The following CADM2 variants were observed in gnomAD, a reference collection of about 807,000 sequenced individuals.
CADM2 encodes the protein cell adhesion molecule 2, also known as immunoglobulin superfamily member 4D.
In CADM2, 12 loss-of-function variants were observed where a neutral mutation model predicts 49.8. The observed-to-expected ratio is 0.24, with a 90% CI of 0.15 to 0.39. The LOEUF (loss-of-function observed/expected upper bound fraction) is 0.39, where lower values mean the gene tolerates loss of function less well. CADM2 is among the 10% of genes least tolerant of loss of function. CADM2 has a pLI of 1.00. For synonymous variants in CADM2, 214 were observed against 175.4 expected, an observed-to-expected ratio of 1.22 and a Z score of -1.74; for missense variants, 378 against 492.3, an observed-to-expected ratio of 0.77 and a Z score of 2.20.
chr3:85,688,009 A>G (rs573464624), intron 1 of CADM2, among the ~76,000 whole-genome samples: 4 of 152,330 alleles, frequency 2.6e-5, no homozygotes, highest in Non-Finnish European at 5.9e-5. Flanking sequence ...TGAGAATCCA[A>G]TGCCTGATGA....
At chr3:85,259,759 T>G (rs1240288206) in intron 1 of CADM2, among the ~76,000 whole-genome samples, 1 of 152,098 alleles carries the variant, frequency 6.6e-6, no homozygotes, top group Non-Finnish European at 1.5e-5. Context: ...AGTGTTTCTT[T>G]GGCTTGAATG....
chr3:85,947,911 A>G (rs541420207), intron 7 of CADM2, among the ~76,000 whole-genome samples: 1 of 151,528 alleles, frequency 6.6e-6, no homozygotes, highest in Admixed American at 6.6e-5. Flanking sequence ...TTTCCAGGTA[A>G]GCAGTTTTCT....
At chr3:85,847,561 ATTAC>A (rs1162356942) in intron 3 of CADM2, among the ~76,000 whole-genome samples, 1 of 152,178 alleles carries the variant, frequency 6.6e-6, no homozygotes, top group African/African-American at 2.4e-5. Context: ...TGGAGAAATA[ATTAC>A]TTAAAATGCA....
rs570860459 is a variant in CADM2, at chr3:85,247,494, T to C, written c.61+287826T>C. 4.6e-5 allele frequency among the ~76,000 whole-genome samples: 7 copies of C among 152,258 alleles called. No homozygotes were observed. In the East Asian group the frequency reaches 1.2e-3, roughly 25 times the overall value. ...TCTTACATTCAACAAATATTTGGAA[T>C]TATAAGATATTGCAAAAGGATTTGT... On this transcript the variant is annotated intron_variant, in intron 1 of 9. Coordinates refer to ENST00000383699, the MANE Select transcript of CADM2 (RefSeq NM_001167675.2).
At chr3:86,036,463 A>G (rs757274469) in intron 8 of CADM2, among the ~76,000 whole-genome samples, 1 of 151,940 alleles carries the variant, frequency 6.6e-6, no homozygotes, top group Non-Finnish European at 1.5e-5. Context: ...TTCTCTCTTC[A>G]GTCTGCCCCT....
At chr3:85,524,664 T>C (rs879891826) in intron 1 of CADM2, among the ~76,000 whole-genome samples, 3 of 152,174 alleles carry the variant, frequency 2.0e-5, no homozygotes, top group Non-Finnish European at 2.9e-5. Context: ...GTTGCTCAAG[T>C]CTACTATATC....
chr3:85,292,777 T>C (rs546952614), intron 1 of CADM2, among the ~76,000 whole-genome samples: 221 of 152,288 alleles, frequency 1.5e-3, no homozygotes, highest in African/African-American at 4.9e-3. Context: ...ATCTCTGGGA[T>C]GCATTAAAAG....
intron 1 of CADM2, among the ~76,000 whole-genome samples, chr3:85,378,103 A>ACTT (rs1339096732): frequency 6.6e-6 from 1 of 152,074 alleles, no homozygotes; most frequent in African/African-American, 2.4e-5. Context: ...AATGTAAAAT[A>ACTT]CTTTAAAATT....
At chr3:85,681,871 CTTA>C (rs1242949783) in intron 1 of CADM2, among the ~76,000 whole-genome samples, 6 of 152,088 alleles carry the variant, frequency 3.9e-5, no homozygotes, top group African/African-American at 1.2e-4. Context: ...AACGTATCAA[CTTA>C]TTATGCAAAT....
chr3:85,128,910 T>C (rs772481050), intron 1 of CADM2, among the ~76,000 whole-genome samples: 3 of 152,174 alleles, frequency 2.0e-5, no homozygotes, highest in African/African-American at 7.2e-5. Flanking sequence ...CCAAAAACAA[T>C]TGTGTATTTG....
intron 1 of CADM2, among the ~76,000 whole-genome samples, chr3:85,554,092 C>A (rs577933656): frequency 7.0e-6 from 1 of 143,722 alleles, no homozygotes; most frequent in Non-Finnish European, 1.5e-5. Flanking sequence ...TTGGGGAAAA[C>A]AATTTTTCCA....
At chr3:86,036,750 C>T (rs1267074404) in intron 8 of CADM2, among the ~76,000 whole-genome samples, 2 of 152,170 alleles carry the variant, frequency 1.3e-5, no homozygotes, top group East Asian at 1.9e-4. Context: ...ATTTCAAAGG[C>T]TGCTGTGCAA....
intron 1 of CADM2, among the ~76,000 whole-genome samples, chr3:85,378,711 C>G (rs1474544376): frequency 1.3e-5 from 2 of 151,724 alleles, no homozygotes; most frequent in African/African-American, 4.8e-5. Context: ...ACAATGAACT[C>G]TGGGGACTTG....
intron 8 of CADM2, among the ~76,000 whole-genome samples, chr3:86,027,681 A>G (rs1390065413): frequency 3.9e-5 from 6 of 152,202 alleles, no homozygotes; most frequent in Admixed American, 1.3e-4. Context: ...TGATTTTATC[A>G]TATTAAATGT....
intron 1 of CADM2, among the ~76,000 whole-genome samples, chr3:85,381,036 G>A (rs2033874970): frequency 2.0e-5 from 3 of 151,964 alleles, no homozygotes; most frequent in South Asian, 2.1e-4. Context: ...CTATGAAATC[G>A]TTAAATTAAC....
At chr3:85,764,933 A>G (rs1476792625) in intron 2 of CADM2, among the ~76,000 whole-genome samples, 3 of 151,982 alleles carry the variant, frequency 2.0e-5, no homozygotes, top group Non-Finnish European at 4.4e-5. Context: ...AGTAATGGGT[A>G]TACAAACCTG....
chr3:85,240,851 G>A (rs553005008), intron 1 of CADM2, among the ~76,000 whole-genome samples: 9 of 151,280 alleles, frequency 5.9e-5, no homozygotes, highest in Non-Finnish European at 1.2e-4. Context: ...ATTTTTAATT[G>A]TTATGGAGAC....
At chr3:85,510,902 AATGAG>A in intron 1 of CADM2, among the ~76,000 whole-genome samples, 1 of 148,034 alleles carries the variant, frequency 6.8e-6, no homozygotes, top group Non-Finnish European at 1.5e-5. Context: ...TAAGTAATGT[AATGAG>A]GGTTCATAAG....
intron 1 of CADM2, among the ~76,000 whole-genome samples, chr3:85,662,316 A>C (rs932338088): frequency 6.6e-6 from 1 of 151,538 alleles, no homozygotes; most frequent in African/African-American, 2.4e-5. Flanking sequence ...CAATTTCAAG[A>C]GATTTCTCTT....
Sources: gnomAD v4.1 joint callset for allele counts (sites outside exome capture counted in the v4.1 genomes callset) on GRCh38, gnomAD v4.1.1 for gene constraint, MANE v1.5 for transcripts, NCBI Gene and HGNC (gene_info 2026-07-23, HGNC 2026-07-21) for gene names.